AR: variants seen among roughly 807,000 people sequenced by gnomAD.
AR encodes androgen receptor.
A neutral mutation model predicts 53.9 loss-of-function variants in AR; 8 were observed. The ratio of observed to expected loss-of-function variants is 0.15; its 90% CI spans 0.09 to 0.27. AR has a LOEUF of 0.27. Ranked by LOEUF, AR falls within the 10% of genes least tolerant of loss-of-function variation. The pLI is 1.00. For synonymous variants in AR, 359 were observed against 316.4 expected, an observed-to-expected ratio of 1.13 and a Z score of -1.43; for missense variants, 639 against 742.5, an observed-to-expected ratio of 0.86 and a Z score of 1.62.
intron 3 of AR, among the ~76,000 whole-genome samples, chrX:67,699,678 A>T (rs60244621): frequency 9.1e-6 from 1 of 109,920 alleles, no homozygotes; most frequent in African/African-American, 3.4e-5. Context: ...AATCTCGGGG[A>T]CCGTCTTAGA....
At chrX:67,634,678 G>A (rs921731071) in intron 1 of AR, among the ~76,000 whole-genome samples, 3 of 111,211 alleles carry the variant, frequency 2.7e-5, no homozygotes, top group Non-Finnish European at 5.7e-5. Flanking sequence ...ATCTCACGGT[G>A]GCAGGGAATA....
intron 1 of AR, among the ~76,000 whole-genome samples, chrX:67,621,706 G>A (rs1326208933): frequency 9.0e-6 from 1 of 111,247 alleles, no homozygotes; most frequent in Non-Finnish European, 1.9e-5. Context: ...TTTTATGGTG[G>A]CCTGATATTC....
chrX:67,634,254 G>T (rs1451737026), intron 1 of AR, among the ~76,000 whole-genome samples: 1 of 111,274 alleles, frequency 9.0e-6, no homozygotes, highest in African/African-American at 3.3e-5. Context: ...CAAAATAGAG[G>T]TAATGATACC....
At chrX:67,623,933 G>A (rs1021222830) in intron 1 of AR, among the ~76,000 whole-genome samples, 1 of 111,072 alleles carries the variant, frequency 9.0e-6, no homozygotes, top group Non-Finnish European at 1.9e-5. Flanking sequence ...CGCTTTAATT[G>A]ACTCACAGTT....
chrX:67,614,580 C>G (rs1924027978), intron 1 of AR, among the ~76,000 whole-genome samples: 1 of 110,958 alleles, frequency 9.0e-6, no homozygotes, highest in Non-Finnish European at 1.9e-5. Context: ...AAGCAAAAAA[C>G]AAGAATGAGT....
chrX:67,694,847 G>A, intron 3 of AR: 1 of 1,087,257 alleles, frequency 9.2e-7, no homozygotes. Flanking sequence ...CTTTGACGTT[G>A]GGGTTGGGGG....
intron 2 of AR, among the ~76,000 whole-genome samples, chrX:67,660,882 T>G (rs1602233540): frequency 1.8e-5 from 2 of 111,718 alleles, no homozygotes; most frequent in East Asian, 5.7e-4. Flanking sequence ...TATCTTCTTT[T>G]ATTTCATTGA....
chrX:67,672,776 G>A (rs1199918326), intron 2 of AR, among the ~76,000 whole-genome samples: 1 of 110,988 alleles, frequency 9.0e-6, no homozygotes, highest in Non-Finnish European at 1.9e-5. Context: ...CTCAAGATAT[G>A]AGTAGTTCAC....
chrX:67,647,809 A>G (rs1926125846), intron 2 of AR, among the ~76,000 whole-genome samples: 1 of 112,336 alleles, frequency 8.9e-6, no homozygotes, highest in Admixed American at 9.5e-5. Context: ...CTGCCTTTGT[A>G]GGATGAAAGC....
At chrX:67,668,047 C>T (rs1186758250) in intron 2 of AR, among the ~76,000 whole-genome samples, 1 of 111,444 alleles carries the variant, frequency 9.0e-6, no homozygotes, top group Non-Finnish European at 1.9e-5. Context: ...AATTTGGATG[C>T]CTTTCATTTC....
chrX:67,688,130 T>C (rs1406188100), intron 3 of AR, among the ~76,000 whole-genome samples: 1 of 111,852 alleles, frequency 8.9e-6, no homozygotes, highest in Non-Finnish European at 1.9e-5. Context: ...CTGGCCTTCA[T>C]TTCAGTTGCA....
chrX:67,669,952 T>C (rs1406347474), intron 2 of AR, among the ~76,000 whole-genome samples: 1 of 107,001 alleles, frequency 9.3e-6, no homozygotes, highest in Non-Finnish European at 1.9e-5. Context: ...AGGTGAAATA[T>C]GTTTCTTGTA....
At position 67,546,363 on chromosome X, in the gene AR, G is replaced by A. The variant is rs2147320801; in HGVS notation, c.1217G>A (p.Cys406Tyr). The A allele has an allele frequency of 8.4e-7, 1 of 1,184,821 alleles. No homozygotes were observed. The highest frequency in any genetic ancestry group is 2.5e-4 in the Middle Eastern group (1 of 3,960). Residue 406 changes from cysteine (C) to tyrosine (Y), a missense_variant, in exon 1 of 8, where the codon TGC becomes TAC. Coordinates refer to ENST00000374690, the MANE Select transcript of AR (RefSeq NM_000044.6). ...GSAWAAAAAQ[C>Y]RYGDLASLHG... ...GCCTGGGCGGCTGCGGCGGCGCAGT[G>A]CCGCTATGGGGACCTGGCGAGCCTG...
intron 1 of AR, among the ~76,000 whole-genome samples, chrX:67,631,684 G>A (rs2073419860): frequency 8.9e-6 from 1 of 112,589 alleles, no homozygotes; most frequent in Admixed American, 9.4e-5. Context: ...TGCTGGTGAG[G>A]AACTGCGTTC....
intron 1 of AR, among the ~76,000 whole-genome samples, chrX:67,632,561 G>T (rs112200289): frequency 6.3e-4 from 71 of 111,886 alleles, no homozygotes; most frequent in Admixed American, 4.4e-3. Context: ...AGTGAGATGA[G>T]CCCGCTACCT....
intron 1 of AR, among the ~76,000 whole-genome samples, chrX:67,611,310 G>A (rs1402709015): frequency 9.0e-6 from 1 of 111,140 alleles, no homozygotes; most frequent in African/African-American, 3.3e-5. Context: ...TCTTAATTTT[G>A]TGTGAAAATG....
intron 1 of AR, among the ~76,000 whole-genome samples, chrX:67,599,795 T>C (rs1408211760): frequency 2.7e-5 from 3 of 112,569 alleles, no homozygotes; most frequent in Non-Finnish European, 3.7e-5. Flanking sequence ...TGATGATTTG[T>C]TTTTTATTTA....
intron 1 of AR, among the ~76,000 whole-genome samples, chrX:67,587,809 T>G (rs767735636): frequency 9.0e-6 from 1 of 111,187 alleles, no homozygotes; most frequent in South Asian, 4.0e-4. Context: ...TCTTGCCTGA[T>G]TTTTGTGAGA....
chrX:67,671,241 TC>T (rs2075863568), intron 2 of AR, among the ~76,000 whole-genome samples: 1 of 112,083 alleles, frequency 8.9e-6, no homozygotes, highest in Non-Finnish European at 1.9e-5. Context: ...CGTTCCTATT[TC>T]TTCAAATCCT....
Sources: allele counts gnomAD v4.1 joint callset (sites outside exome capture counted in the v4.1 genomes callset), GRCh38; gene constraint gnomAD v4.1.1; transcripts MANE v1.5; gene names NCBI Gene and HGNC (gene_info 2026-07-23, HGNC 2026-07-21).